REPS1: variants seen among roughly 807,000 people sequenced by gnomAD.
REPS1 encodes RALBP1 associated Eps domain containing 1.
In REPS1, 39 loss-of-function variants were observed where a neutral mutation model predicts 100.9. That is an observed-to-expected ratio of 0.39 (90% CI 0.30 to 0.50). The LOEUF is 0.50. Ranked by LOEUF, REPS1 falls within the 20% of genes least tolerant of loss-of-function variation. The probability of loss-of-function intolerance (pLI) is 0.86; values close to 1 mark genes in which losing one functional copy is unlikely to be tolerated. For synonymous variants in REPS1, 324 were observed against 340.3 expected (o/e 0.95, Z 0.53); for missense variants, 821 against 968.5 (o/e 0.85, Z 2.02).
intron 1 of REPS1, among the ~76,000 whole-genome samples, chr6:138,977,650 G>A (rs568677171): frequency 1.3e-5 from 2 of 152,266 alleles, no homozygotes; most frequent in Non-Finnish European, 2.9e-5. Flanking sequence ...CAAACACCAT[G>A]TGATGGATAT....
At chr6:138,927,232 G>A (rs1781197361) in intron 9 of REPS1, 1 of 152,032 alleles carries the variant, frequency 6.6e-6, no homozygotes. Flanking sequence ...AAGCATCTGA[G>A]CATGAGTTAT....
intron 1 of REPS1, among the ~76,000 whole-genome samples, chr6:138,977,530 G>T (rs1485145426): frequency 6.6e-6 from 1 of 152,090 alleles, no homozygotes; most frequent in Non-Finnish European, 1.5e-5. Context: ...TTGGGACAGG[G>T]TCTTGCTATA....
chr6:138,916,148 C>G, intron 13 of REPS1, 172 bp from the exon 14 acceptor site: 1 of 556,448 alleles, frequency 1.8e-6, no homozygotes, highest in South Asian at 2.3e-5. Context: ...ATGATGTACC[C>G]TAAACAACTG....
intron 11 of REPS1, among the ~76,000 whole-genome samples, chr6:138,920,762 A>G (rs1780703136): frequency 6.6e-6 from 1 of 152,230 alleles, no homozygotes; most frequent in East Asian, 1.9e-4. Context: ...TAAAGTTTTA[A>G]CATATTTTAA....
At chr6:138,916,627 A>C (rs966852089) in intron 13 of REPS1, among the ~76,000 whole-genome samples, 2 of 152,222 alleles carry the variant, frequency 1.3e-5, no homozygotes, top group Non-Finnish European at 2.9e-5. Context: ...AAATAATTGT[A>C]TAAAGGAAAG....
At chr6:138,970,576 G>A (rs1168830166) in intron 1 of REPS1, among the ~76,000 whole-genome samples, 1 of 152,068 alleles carries the variant, frequency 6.6e-6, no homozygotes, top group Non-Finnish European at 1.5e-5. Context: ...AAGCTGAGGA[G>A]TCCGAGACCA....
chr6:138,971,084 T>A (rs1184362341), intron 1 of REPS1, among the ~76,000 whole-genome samples: 1 of 152,232 alleles, frequency 6.6e-6, no homozygotes, highest in Non-Finnish European at 1.5e-5. Flanking sequence ...AATCAAATCT[T>A]AGAGGGAAAT....
chr6:138,966,565 A>G (rs1784036306), intron 1 of REPS1, among the ~76,000 whole-genome samples: 1 of 152,222 alleles, frequency 6.6e-6, no homozygotes, highest in African/African-American at 2.4e-5. Context: ...ATACTTGCTC[A>G]AGGACACACA....
intron 12 of REPS1, among the ~76,000 whole-genome samples, chr6:138,919,457 G>A (rs994126198): frequency 2.6e-5 from 4 of 152,138 alleles, no homozygotes; most frequent in Non-Finnish European, 2.9e-5. Flanking sequence ...TCAAACCTTC[G>A]ATTGGCTTTT....
intron 14 of REPS1, 57 bp from the exon 15 acceptor site, chr6:138,914,818 A>T: frequency 7.2e-7 from 1 of 1,385,658 alleles, no homozygotes; most frequent in Non-Finnish European, 1.0e-6. Flanking sequence ...TTGTTAATAG[A>T]AGAAATAGGC....
intron 16 of REPS1, chr6:138,912,553 G>A: frequency 1.8e-6 from 1 of 570,324 alleles, no homozygotes; most frequent in Non-Finnish European, 3.1e-6. Flanking sequence ...GTCTTTGCAT[G>A]TGATATCAAT....
At chr6:138,922,770 C>A (rs1280443568) in intron 10 of REPS1, among the ~76,000 whole-genome samples, 5 of 152,302 alleles carry the variant, frequency 3.3e-5, no homozygotes, top group African/African-American at 1.2e-4. Flanking sequence ...AATATCTAGT[C>A]ATGAATTAAG....
intron 10 of REPS1, among the ~76,000 whole-genome samples, chr6:138,925,120 T>G (rs556824497): frequency 2.0e-5 from 3 of 151,850 alleles, no homozygotes; most frequent in African/African-American, 7.2e-5. Flanking sequence ...CCGAGGTGGG[T>G]GGATCACTGG....
chr6:138,923,975 A>G (rs1780944089), intron 10 of REPS1, among the ~76,000 whole-genome samples: 3 of 152,122 alleles, frequency 2.0e-5, no homozygotes, highest in Admixed American at 2.0e-4. Flanking sequence ...CTTACTTATA[A>G]TCCTTATTTA....
In REPS1 at chr6:138,912,969, C is replaced by T; in HGVS notation, c.1786-19G>A. On this transcript the variant is annotated intron_variant, in intron 15 of 19. Coordinates refer to ENST00000450536, the MANE Select transcript of REPS1 (RefSeq NM_001286611.2). ...CAGGAGCCTGTGCAATGGTTCAGAA[C>T]AGAGGAACACACATTCTATCAGCCT... is the stretch of plus-strand genomic sequence containing the variant. The T allele has an allele frequency of 1.9e-6, 3 of 1,588,760 alleles. No individual in the cohort carries two copies. Among genetic ancestry groups the T allele is most frequent in the Non-Finnish European group, 2.6e-6 (3 of 1,166,476 alleles).
intron 1 of REPS1, among the ~76,000 whole-genome samples, chr6:138,974,935 A>G (rs946657009): frequency 4.0e-5 from 6 of 151,818 alleles, no homozygotes; most frequent in African/African-American, 1.5e-4. Context: ...GGCTGCAGTG[A>G]GCCGTGATAA....
intron 1 of REPS1, among the ~76,000 whole-genome samples, chr6:138,981,558 T>C (rs1030712978): frequency 6.6e-6 from 1 of 152,208 alleles, no homozygotes; most frequent in Non-Finnish European, 1.5e-5. Context: ...TATCTCCTCT[T>C]TGTATTCCTC....
chr6:138,952,589 G>A (rs745569334), intron 1 of REPS1, among the ~76,000 whole-genome samples: 12 of 151,894 alleles, frequency 7.9e-5, no homozygotes, highest in Middle Eastern at 3.4e-3. Context: ...TAGTAGAGAT[G>A]GAGTTTCACC....
At chr6:138,979,966 T>G (rs1345082334) in intron 1 of REPS1, among the ~76,000 whole-genome samples, 1 of 152,132 alleles carries the variant, frequency 6.6e-6, no homozygotes, top group Non-Finnish European at 1.5e-5. Flanking sequence ...CTTGACAATC[T>G]TACAGGCTTC....
Sources: gnomAD v4.1 joint callset for allele counts (sites outside exome capture counted in the v4.1 genomes callset) on GRCh38, gnomAD v4.1.1 for gene constraint, MANE v1.5 for transcripts, NCBI Gene and HGNC (gene_info 2026-07-23, HGNC 2026-07-21) for gene names.